OTC: variants seen among roughly 807,000 people sequenced by gnomAD.
OTC encodes the protein ornithine transcarbamylase, mitochondrial.
In OTC, 3 loss-of-function variants were observed where a neutral mutation model predicts 30.3. The observed-to-expected ratio is 0.10, with a 90% CI of 0.05 to 0.26. The LOEUF (loss-of-function observed/expected upper bound fraction) is 0.26. OTC is among the 10% of genes least tolerant of loss of function. The pLI, the probability that OTC is intolerant of heterozygous loss-of-function variation, is 1.00. For missense variants in OTC, 194 were observed against 260.3 expected (o/e 0.75, Z 1.75); for synonymous variants, 111 against 99.7 (o/e 1.11, Z -0.67).
chrX:38,400,364 T>C (rs150329013), intron 4 of OTC, among the ~76,000 whole-genome samples: 286 of 111,799 alleles, frequency 2.6e-3, no homozygotes, highest in African/African-American at 8.6e-3. Context: ...CAAGCAGTCC[T>C]TGAATTTTGT....
intron 8 of OTC, among the ~76,000 whole-genome samples, chrX:38,410,063 CT>C (rs1332299789): frequency 1.8e-5 from 2 of 111,434 alleles, no homozygotes; most frequent in Non-Finnish European, 3.8e-5. Flanking sequence ...ATTATTCTTA[CT>C]TTTTCCACTT....
chrX:38,328,602 G>C, the OTC span, among the ~76,000 whole-genome samples: 11 of 111,954 alleles, frequency 9.8e-5, no homozygotes, highest in Non-Finnish European at 1.9e-4. Flanking sequence ...CAAGAGGCGA[G>C]GCTGGTTCCT....
At chrX:38,378,884 G>T (rs2068362639) in intron 3 of OTC, among the ~76,000 whole-genome samples, 2 of 111,646 alleles carry the variant, frequency 1.8e-5, no homozygotes, top group Non-Finnish European at 3.8e-5. Flanking sequence ...GCAGAGAAAC[G>T]ATATGGAGTT....
chrX:38,373,037 A>G (rs781172534), intron 3 of OTC, among the ~76,000 whole-genome samples: 1 of 112,305 alleles, frequency 8.9e-6, no homozygotes, highest in East Asian at 2.8e-4. Context: ...TTTATGTAAC[A>G]TGTTTATTAA....
At position 38,355,827 on chromosome X, in the gene OTC, A is replaced by G. The variant is rs4537439; in HGVS notation, c.77+3054A>G. On this transcript the variant is annotated intron_variant, in intron 1 of 9. Transcript: ENST00000039007. ...CGAGGTGGGTGGATCACCTGAGGTCAGGAGTTCCAGACCAGTTTGGCCAGC... is the reference window on the plus strand; with the variant it reads ...CGAGGTGGGTGGATCACCTGAGGTCGGGAGTTCCAGACCAGTTTGGCCAGC... 0.49 allele frequency among the ~76,000 whole-genome samples: 54,005 copies of G among 110,595 alleles called. 9,768 individuals carry two copies. The highest frequency in any genetic ancestry group is 0.66 in the East Asian group (2,314 of 3,501).
At chrX:38,364,195 A>G (rs902803897) in intron 1 of OTC, among the ~76,000 whole-genome samples, 3 of 111,872 alleles carry the variant, frequency 2.7e-5, no homozygotes, top group Non-Finnish European at 5.6e-5. Flanking sequence ...TTAAATTTTT[A>G]TTTTCGTGTA....
At chrX:38,380,032 T>C (rs1410217198) in intron 3 of OTC, among the ~76,000 whole-genome samples, 1 of 112,118 alleles carries the variant, frequency 8.9e-6, no homozygotes, top group Non-Finnish European at 1.9e-5. Context: ...CTAAAGTAAA[T>C]TAAAGTTACA....
At chrX:38,371,505 G>A (rs7056414) in intron 3 of OTC, among the ~76,000 whole-genome samples, 29,677 of 111,126 alleles carry the variant, frequency 0.27, 3,429 homozygotes, top group African/African-American at 0.41. Flanking sequence ...CCTTACGAGT[G>A]TCAGAGCTTT....
chrX:38,386,837 A>C lies in OTC; in HGVS notation c.386+5408A>C, dbSNP rs1249271668. ...AATACCCAGAAGTGGGCTAAATCAT[A>C]TGATAATTCTATGTTCAATTTTTCA... On this transcript the variant is annotated intron_variant, in intron 4 of 9. Transcript: ENST00000039007. Among the ~76,000 whole-genome samples, 6 of 112,420 alleles carry C rather than the reference A, an allele frequency of 5.3e-5. No individual in the cohort carries two copies. The Admixed American group carries it at 5.7e-4, about 11-fold the overall frequency.
At chrX:38,334,979 ACT>A in the OTC span, among the ~76,000 whole-genome samples, 1 of 111,285 alleles carries the variant, frequency 9.0e-6, no homozygotes, top group Non-Finnish European at 1.9e-5. Flanking sequence ...TCGTTATGAG[ACT>A]CTAACTAATG....
intron 4 of OTC, among the ~76,000 whole-genome samples, chrX:38,388,567 G>C (rs1183950834): frequency 9.0e-6 from 1 of 110,822 alleles, no homozygotes; most frequent in Non-Finnish European, 1.9e-5. Flanking sequence ...AACAGCAAGT[G>C]GGGCATTATC....
intron 3 of OTC, among the ~76,000 whole-genome samples, chrX:38,370,822 A>G (rs2147325527): frequency 9.0e-6 from 1 of 111,062 alleles, no homozygotes; most frequent in African/African-American, 3.3e-5. Context: ...CGGTTTTGTG[A>G]CAAGGACCCC....
the OTC span, among the ~76,000 whole-genome samples, chrX:38,344,042 A>G: frequency 8.9e-6 from 1 of 111,740 alleles, no homozygotes; most frequent in Non-Finnish European, 1.9e-5. Context: ...TCTGTTAATT[A>G]GAAAGTAACT....
At chrX:38,370,813 G>A (rs1037947204) in intron 3 of OTC, among the ~76,000 whole-genome samples, 2 of 110,723 alleles carry the variant, frequency 1.8e-5, no homozygotes, top group African/African-American at 6.6e-5. Context: ...AATATTTCAC[G>A]GTTTTGTGAC....
chrX:38,380,270 G>A (rs1041902178), intron 3 of OTC, among the ~76,000 whole-genome samples: 1 of 112,048 alleles, frequency 8.9e-6, no homozygotes, highest in Non-Finnish European at 1.9e-5. Flanking sequence ...AATTCACCGT[G>A]CAATTAATGA....
chrX:38,413,665 A>AT (rs11397097), intron 9 of OTC, among the ~76,000 whole-genome samples: 36,545 of 96,915 alleles, frequency 0.38, 5,365 homozygotes, highest in East Asian at 0.57. Context: ...TGGCACATCT[A>AT]TTTTTTTTTT....
intron 3 of OTC, among the ~76,000 whole-genome samples, chrX:38,372,417 AT>A (rs1184820402): frequency 5.3e-5 from 6 of 112,363 alleles, no homozygotes; most frequent in Admixed American, 1.9e-4. Context: ...TAAATACCTA[AT>A]TTAATAAACT....
intron 3 of OTC, among the ~76,000 whole-genome samples, chrX:38,372,619 T>C (rs1402859845): frequency 8.9e-6 from 1 of 112,320 alleles, no homozygotes; most frequent in African/African-American, 3.2e-5. Context: ...CTGTTAAAAC[T>C]TATAGTTCAT....
intron 9 of OTC, among the ~76,000 whole-genome samples, chrX:38,414,053 C>T (rs1195383653): frequency 1.8e-5 from 2 of 111,371 alleles, no homozygotes; most frequent in Admixed American, 9.6e-5. Context: ...ATCTAGATGA[C>T]AAAGAAAATG....
Sources: allele counts gnomAD v4.1 joint callset (sites outside exome capture counted in the v4.1 genomes callset), GRCh38; gene constraint gnomAD v4.1.1; transcripts MANE v1.5; gene names NCBI Gene and HGNC (gene_info 2026-07-23, HGNC 2026-07-21).